EREG: variants seen among roughly 807,000 people sequenced by gnomAD.
EREG encodes epiregulin, also known as proepiregulin.
EREG carries 23 observed loss-of-function variants against 22.4 expected under a neutral mutation model. The observed-to-expected ratio is 1.03, with a 90% confidence interval of 0.74 to 1.46. EREG has a LOEUF of 1.46. Among genes scored for constraint, EREG ranks in the 40% most tolerant of loss-of-function variants. The pLI is 0.00. For missense variants in EREG, 226 were observed against 205.9 expected (o/e 1.10, Z -0.60); for synonymous variants, 100 against 75.4 (o/e 1.33, Z -1.69).
chr4:74,372,046 CATT>C (rs1752300373), intron 1 of EREG, among the ~76,000 whole-genome samples: 1 of 152,124 alleles, frequency 6.6e-6, no homozygotes, highest in Admixed American at 6.5e-5. Context: ...ATTGAGTAAA[CATT>C]ATTTGACAAA....
intron 1 of EREG, among the ~76,000 whole-genome samples, chr4:74,369,040 A>G (rs992901947): frequency 3.9e-5 from 6 of 152,222 alleles, no homozygotes; most frequent in Admixed American, 1.3e-4. Flanking sequence ...TTAACTTACT[A>G]GGATACTATT....
At chr4:74,376,135 A>G (rs1036331703) in intron 1 of EREG, among the ~76,000 whole-genome samples, 3 of 152,174 alleles carry the variant, frequency 2.0e-5, no homozygotes, top group Non-Finnish European at 2.9e-5. Flanking sequence ...AACAACTACT[A>G]AAAACCTTTA....
intron 1 of EREG, among the ~76,000 whole-genome samples, chr4:74,376,115 T>C (rs1049186876): frequency 6.6e-6 from 1 of 152,092 alleles, no homozygotes; most frequent in African/African-American, 2.4e-5. Context: ...TTTCCAACGG[T>C]GGAAAAACTA....
At chr4:74,374,875 T>C (rs1752352140) in intron 1 of EREG, among the ~76,000 whole-genome samples, 1 of 152,144 alleles carries the variant, frequency 6.6e-6, no homozygotes, top group East Asian at 1.9e-4. Context: ...ATAGGTGAGG[T>C]TCACATTCCT....
intron 1 of EREG, among the ~76,000 whole-genome samples, chr4:74,372,837 C>G: frequency 9.1e-6 from 1 of 110,138 alleles, no homozygotes; most frequent in African/African-American, 3.6e-5. Context: ...GAAACAGAGT[C>G]TTGCTCTGTC....
intron 1 of EREG, among the ~76,000 whole-genome samples, chr4:74,372,734 G>A (rs758167132): frequency 2.6e-5 from 4 of 151,684 alleles, no homozygotes; most frequent in Non-Finnish European, 4.4e-5. Context: ...GCTTTTAGGG[G>A]AGGCAAGTCC....
intron 1 of EREG, among the ~76,000 whole-genome samples, chr4:74,377,802 G>A (rs969155936): frequency 2.0e-4 from 31 of 152,132 alleles, no homozygotes; most frequent in Admixed American, 2.0e-3. Flanking sequence ...CAGATCTCAT[G>A]AGAACTCACT....
intron 3 of EREG, 68 bp downstream of exon 3, chr4:74,381,205 C>A: frequency 3.6e-6 from 5 of 1,405,518 alleles, no homozygotes; most frequent in Non-Finnish European, 4.9e-6. Context: ...GGTACAAGTG[C>A]AGATTTGCTA....
At chr4:74,368,411 G>A (rs914082400) in intron 1 of EREG, among the ~76,000 whole-genome samples, 1 of 152,138 alleles carries the variant, frequency 6.6e-6, no homozygotes, top group Non-Finnish European at 1.5e-5. Flanking sequence ...ATTAAGTAAA[G>A]CAATAAAGAG....
intron 1 of EREG, among the ~76,000 whole-genome samples, chr4:74,367,850 G>T (rs955272775): frequency 6.6e-6 from 1 of 152,138 alleles, no homozygotes; most frequent in Non-Finnish European, 1.5e-5. Context: ...GGTAATTGGG[G>T]TGTCTGATTC....
intron 1 of EREG, among the ~76,000 whole-genome samples, chr4:74,373,180 T>A (rs151323936): frequency 4.2e-4 from 64 of 152,142 alleles, no homozygotes; most frequent in African/African-American, 1.5e-3. Context: ...TCATATTTAG[T>A]GCAAAATAGA....
intron 1 of EREG, among the ~76,000 whole-genome samples, chr4:74,375,887 A>G (rs951593081): frequency 5.9e-5 from 9 of 152,234 alleles, no homozygotes; most frequent in African/African-American, 2.2e-4. Flanking sequence ...TTAATTTGAA[A>G]GGAACATTTA....
chr4:74,365,758 G>A (rs530402965), intron 1 of EREG, among the ~76,000 whole-genome samples: 2 of 151,022 alleles, frequency 1.3e-5, no homozygotes, highest in South Asian at 4.2e-4. Context: ...TTTTGTTGGA[G>A]AGTGGGGAAT....
chr4:74,379,403 T>G (rs771242923), intron 1 of EREG, 45 bp from the exon 2 acceptor site: 3 of 1,173,916 alleles, frequency 2.6e-6, no homozygotes, highest in Non-Finnish European at 2.6e-6. Flanking sequence ...CAAGATTTCT[T>G]TCCTTAACAC....
At position 74,373,751 on chromosome 4, in the gene EREG, T is replaced by TACACAC. The variant is rs138641027; in HGVS notation, c.68-5679_68-5674dup. Among the ~76,000 whole-genome samples, 202 of 147,154 alleles carry TACACAC rather than the reference T, an allele frequency of 1.4e-3. 1 individual carries two copies. The highest frequency in any genetic ancestry group is 4.8e-3 in the African/African-American group (192 of 40,324). On this transcript the variant is annotated intron_variant, in intron 1 of 4. Coordinates refer to ENST00000244869, the MANE Select transcript of EREG (RefSeq NM_001432.3). The stretch of plus-strand genomic sequence containing the variant: ...ATATACGTGTGCGTATATATATCTA[T>TACACAC]ACACACACACACACACACACACATA...
chr4:74,375,471 A>G (rs1578819209), intron 1 of EREG, among the ~76,000 whole-genome samples: 1 of 145,762 alleles, frequency 6.9e-6, no homozygotes, highest in Non-Finnish European at 1.5e-5. Flanking sequence ...GGCGCCCGCC[A>G]CCATGCCTGG....
Position 74,375,306 on chromosome 4 carries a change from C to CTTTT in EREG, c.68-4115_68-4112dup, listed in dbSNP as rs71219383. On this transcript the variant is annotated intron_variant, in intron 1 of 4. Transcript: ENST00000244869. Reference sequence around the variant, plus strand: ...CTCATTAAAGTAATGACTAGCGATTCTTTTTTTTTTTTTTTTTTTTTTTTT... The same window carrying CTTTT: ...CTCATTAAAGTAATGACTAGCGATTCTTTTTTTTTTTTTTTTTTTTTTTTTTTTT... Among the ~76,000 whole-genome samples, 39 of 61,054 alleles carry CTTTT rather than the reference C, an allele frequency of 6.4e-4. 1 individual carries two copies. Among genetic ancestry groups the CTTTT allele is most frequent in the Admixed American group, 8.6e-4 (3 of 3,484 alleles). 40.1% of individuals were successfully genotyped at this position (61,054 alleles called of 152,430 possible).
At chr4:74,367,142 G>A (rs1752199873) in intron 1 of EREG, among the ~76,000 whole-genome samples, 1 of 152,170 alleles carries the variant, frequency 6.6e-6, no homozygotes, top group Non-Finnish European at 1.5e-5. Flanking sequence ...ATGTAGTTAT[G>A]ACTAGGGAAT....
At chr4:74,367,366 G>A (rs145680282) in intron 1 of EREG, among the ~76,000 whole-genome samples, 111 of 152,310 alleles carry the variant, frequency 7.3e-4, no homozygotes, top group African/African-American at 2.6e-3. Flanking sequence ...AAGTAGAAGA[G>A]TTGAAATACC....
Sources: gnomAD v4.1 joint callset for allele counts (sites outside exome capture counted in the v4.1 genomes callset) on GRCh38, gnomAD v4.1.1 for gene constraint, MANE v1.5 for transcripts, NCBI Gene and HGNC (gene_info 2026-07-23, HGNC 2026-07-21) for gene names.